Variants in TRIP11 observed in about 807,000 individuals in gnomAD.
TRIP11 encodes thyroid receptor-interacting protein 11.
Under a neutral mutation model 223.1 loss-of-function variants are expected in TRIP11, and 148 were observed. The ratio of observed to expected loss-of-function variants is 0.66; its 90% CI spans 0.58 to 0.76. The LOEUF is 0.76. Among genes scored for constraint, TRIP11 ranks in the 30% least tolerant of loss-of-function variants. The probability of loss-of-function intolerance (pLI) is 0.00; values close to 1 mark genes in which losing one functional copy is unlikely to be tolerated. For synonymous variants in TRIP11, 762 were observed against 772.6 expected, an observed-to-expected ratio of 0.99 and a Z score of 0.23; for missense variants, 2,043 against 2,222.0, an observed-to-expected ratio of 0.92 and a Z score of 1.62.
intron 7 of TRIP11, among the ~76,000 whole-genome samples, chr14:92,013,062 A>G (rs1450214185): frequency 6.6e-6 from 1 of 152,112 alleles, no homozygotes; most frequent in Non-Finnish European, 1.5e-5. Context: ...AGGTCAAGAG[A>G]TCGAGATCAT....
chr14:92,014,103 TTCCAGGAATA>T, intron 7 of TRIP11, 102 bp downstream of exon 7: 2 of 1,442,068 alleles, frequency 1.4e-6, no homozygotes, highest in South Asian at 1.2e-5. Flanking sequence ...ACACAGTCAT[TTCCAGGAATA>T]TGCCATTTCC....
chr14:91,976,901 C>G (rs778608164), intron 16 of TRIP11, among the ~76,000 whole-genome samples: 17 of 152,066 alleles, frequency 1.1e-4, no homozygotes, highest in Non-Finnish European at 2.1e-4. Flanking sequence ...CAGGAGATAC[C>G]CTGTTCCTAA....
chr14:92,014,150 T>C lies in TRIP11; in HGVS notation c.1186+65A>G, dbSNP rs569960989. ...CTAAGTATTCAGTTAGTGAAGCATC[T>C]GTCTCTAAAAACAACTACTATGCAA... On this transcript the variant is annotated intron_variant, in intron 7 of 20. Transcript: ENST00000267622. The C allele has an allele frequency of 1.1e-3, 1,758 of 1,604,132 alleles. 4 individuals are homozygous for C. Among genetic ancestry groups the C allele is most frequent in the Non-Finnish European group, 1.2e-3 (1,414 of 1,174,820 alleles).
At position 92,011,808 on chromosome 14, in the gene TRIP11, C is replaced by T; in HGVS notation, c.1187-13G>A. 1.2e-6 allele frequency: 2 copies of T among 1,610,244 alleles called. No homozygotes were observed. The highest frequency in any genetic ancestry group is 1.7e-6 in the Non-Finnish European group (2 of 1,178,178). ...TCATTTTCGGCATCTGTAAAAACAG[C>T]AAATGAACTTGACATTAAAATTATT... On this transcript the variant is annotated splice_polypyrimidine_tract_variant and intron_variant, in intron 7 of 20. Transcript: ENST00000267622.
chr14:91,970,653 C>A (rs1351546616), intron 20 of TRIP11, among the ~76,000 whole-genome samples: 2 of 152,008 alleles, frequency 1.3e-5, no homozygotes, highest in Non-Finnish European at 2.9e-5. Flanking sequence ...CTATGAAATA[C>A]AGGAGGATGA....
intron 4 of TRIP11, among the ~76,000 whole-genome samples, chr14:92,019,760 G>A (rs780764508): frequency 3.3e-5 from 5 of 152,082 alleles, no homozygotes; most frequent in African/African-American, 1.2e-4. Flanking sequence ...AAACATTTGA[G>A]TGCCAACATG....
At chr14:92,016,804 A>G (rs1334603476) in intron 5 of TRIP11, among the ~76,000 whole-genome samples, 2 of 152,204 alleles carry the variant, frequency 1.3e-5, no homozygotes, top group African/African-American at 4.8e-5. Flanking sequence ...TGTAAATAAT[A>G]CAGCCAGGAT....
At chr14:92,018,147 T>C (rs1434295636) in intron 4 of TRIP11, among the ~76,000 whole-genome samples, 2 of 151,570 alleles carry the variant, frequency 1.3e-5, no homozygotes, top group Non-Finnish European at 2.9e-5. Context: ...CAGGCTGGAA[T>C]GCAGTGGTGT....
At position 91,967,368 on chromosome 14, in the gene TRIP11, A is replaced by C. The variant is rs1273538149; in HGVS notation, c.*2305T>G. On this transcript the variant is annotated 3_prime_UTR_variant, in exon 21 of 21. Coordinates refer to ENST00000267622, the MANE Select transcript of TRIP11 (RefSeq NM_004239.4). Reference sequence around the variant, plus strand: ...TGGCCAGGCTGGTCTTGAACTCCTGACCTCAGGTGATCCACCCACCTCACC... The same window carrying C: ...TGGCCAGGCTGGTCTTGAACTCCTGCCCTCAGGTGATCCACCCACCTCACC... 1 of 177,326 alleles carries C rather than the reference A, an allele frequency of 5.6e-6. No homozygotes were observed. The highest frequency in any genetic ancestry group is 1.2e-5 in the Non-Finnish European group (1 of 82,660). The allele number at this position is 177,326 out of a possible 1,614,324, so 11.0% of individuals were successfully genotyped here.
At chr14:91,974,198 C>T (rs903894134) in intron 19 of TRIP11, among the ~76,000 whole-genome samples, 5 of 152,160 alleles carry the variant, frequency 3.3e-5, no homozygotes, top group Non-Finnish European at 7.4e-5. Flanking sequence ...GGGCAGGCGC[C>T]GTTTCTATCC....
chr14:92,017,202 G>C (rs1451846371), intron 5 of TRIP11, among the ~76,000 whole-genome samples: 1 of 151,942 alleles, frequency 6.6e-6, no homozygotes, highest in Non-Finnish European at 1.5e-5. Flanking sequence ...GAAAGACAGA[G>C]ATTTTTATAT....
rs2057367017 is a variant in TRIP11 at position 92,039,966 on chromosome 14, T to G, written c.-281A>C. 9.2e-6 allele frequency: 5 copies of G among 541,654 alleles called. No homozygotes were observed. In the East Asian group the frequency reaches 1.6e-4, roughly 18 times the overall value. 33.6% of individuals were successfully genotyped at this position (541,654 alleles called of 1,614,324 possible). Reference sequence around the variant, plus strand: ...CACCGTCCAGATTGGGCCACTTCTTTCTCAGCTCTAATGACTTTCCTCAGT... The same window carrying G: ...CACCGTCCAGATTGGGCCACTTCTTGCTCAGCTCTAATGACTTTCCTCAGT... On this transcript the variant is annotated 5_prime_UTR_variant, in exon 1 of 21. Coordinates refer to ENST00000267622, the MANE Select transcript of TRIP11 (RefSeq NM_004239.4).
chr14:92,011,702 A>G, intron 8 of TRIP11, 53 bp downstream of exon 8: 3 of 1,463,922 alleles, frequency 2.0e-6, no homozygotes, highest in Non-Finnish European at 2.9e-6. Flanking sequence ...CACTTGGTAT[A>G]GGATCTGCTT....
intron 9 of TRIP11, among the ~76,000 whole-genome samples, chr14:92,008,338 G>C (rs1227421395): frequency 6.6e-6 from 1 of 152,122 alleles, no homozygotes. Flanking sequence ...CAAATGTTTA[G>C]CCTCTCTAAT....
chr14:92,004,656 T>C lies in TRIP11; in HGVS notation c.3320A>G (p.Glu1107Gly). Residue 1107 changes from glutamate (E) to glycine (G), a missense_variant, in exon 11 of 21, where the codon GAG (glutamate) becomes GGG (glycine). Glu to Gly is a moderately conservative substitution (Grantham distance 98, BLOSUM62 -2). Transcript: ENST00000267622. ...TAGATGGCTATTTTCCCTAGTCTTC[T>C]CATTCAAAACAGCAAATACCTTTTC... ...EREKVFAVLN[E>G]KTRENSHLKT... 1 of 1,614,172 alleles carries C rather than the reference T, an allele frequency of 6.2e-7. No individual in the cohort carries two copies. The highest frequency in any genetic ancestry group is 8.5e-7 in the Non-Finnish European group (1 of 1,180,020).
In TRIP11 at chr14:91,967,069, A is replaced by G. The variant is rs1454810133; in HGVS notation, c.*2604T>C. On this transcript the variant is annotated 3_prime_UTR_variant, in exon 21 of 21. Transcript: ENST00000267622. ...GACTTATATCTGGTTTAGATCAACG[A>G]ACACTTAGTATACATACCAGTCAGC... 24 of 194,092 alleles carry G rather than the reference A, an allele frequency of 1.2e-4. No individual in the cohort carries two copies. The East Asian group carries it at 1.9e-3, about 16-fold the overall frequency. 12.0% of individuals were successfully genotyped at this position (194,092 alleles called of 1,614,324 possible).
intron 16 of TRIP11, among the ~76,000 whole-genome samples, chr14:91,976,907 C>T (rs1048827859): frequency 2.0e-5 from 3 of 152,190 alleles, no homozygotes; most frequent in Non-Finnish European, 4.4e-5. Context: ...ATACCCTGTT[C>T]CTAAATTCAG....
intron 4 of TRIP11, among the ~76,000 whole-genome samples, chr14:92,018,641 G>A (rs2057067592): frequency 6.6e-6 from 1 of 152,022 alleles, no homozygotes; most frequent in Non-Finnish European, 1.5e-5. Context: ...AACCACTGTG[G>A]CAATGGATTA....
intron 2 of TRIP11, among the ~76,000 whole-genome samples, chr14:92,026,415 T>C (rs1486214558): frequency 3.3e-5 from 5 of 152,202 alleles, no homozygotes; most frequent in African/African-American, 9.7e-5. Context: ...AAGAACATAA[T>C]GGGGCGCCCC....
Sources: gnomAD v4.1 joint callset for allele counts (sites outside exome capture counted in the v4.1 genomes callset) on GRCh38, gnomAD v4.1.1 for gene constraint, MANE v1.5 for transcripts, NCBI Gene and HGNC (gene_info 2026-07-23, HGNC 2026-07-21) for gene names.